The following SORBS2 variants were observed in gnomAD, a reference collection of about 807,000 sequenced individuals.
SORBS2 encodes the protein sorbin and SH3 domain-containing protein 2.
SORBS2 carries 46 observed loss-of-function variants against 97.7 expected under a neutral mutation model. The ratio of observed to expected loss-of-function variants is 0.47; its 90% CI spans 0.37 to 0.60. The LOEUF is 0.60. Among genes scored for constraint, SORBS2 ranks in the 20% least tolerant of loss-of-function variants. The pLI is 0.00. For synonymous variants in SORBS2, 476 were observed against 473.4 expected, an observed-to-expected ratio of 1.01 and a Z score of -0.07; for missense variants, 1,316 against 1,282.3, an observed-to-expected ratio of 1.03 and a Z score of -0.40.
chr4:185,804,393 A>G (rs1192450394), intron 1 of SORBS2, among the ~76,000 whole-genome samples: 1 of 152,222 alleles, frequency 6.6e-6, no homozygotes, highest in Non-Finnish European at 1.5e-5. Context: ...TCTCTCGTGG[A>G]GGTCACTTTC....
intron 1 of SORBS2, among the ~76,000 whole-genome samples, chr4:185,844,528 G>A (rs1298540528): frequency 2.6e-5 from 4 of 152,254 alleles, no homozygotes; most frequent in South Asian, 2.1e-4. Context: ...GATGTGAAAC[G>A]GTACAGCTAC....
chr4:185,939,979 T>C (rs2099271047), intron 1 of SORBS2, among the ~76,000 whole-genome samples: 1 of 152,196 alleles, frequency 6.6e-6, no homozygotes, highest in South Asian at 2.1e-4. Flanking sequence ...CTTGGTAGCA[T>C]TTGACCCAGA....
At chr4:185,635,222 T>C (rs1018627647) in intron 4 of SORBS2, 133 bp downstream of exon 16, 24 of 659,268 alleles carry the variant, frequency 3.6e-5, no homozygotes, top group Admixed American at 1.1e-4. Flanking sequence ...GGATGCAACA[T>C]AATGATGCAA....
rs188570015 is a variant in SORBS2, at chr4:185,640,374, C to T, written c.396+6294G>A. ...CGACTACAATGGTGTTCTGGTATTG[C>T]GACTGTTTGTTTTTTCTTTCTTTTA... On this transcript the variant is annotated intron_variant, in intron 4 of 14. Transcript: ENST00000418609. 7.2e-5 allele frequency among the ~76,000 whole-genome samples: 11 copies of T among 152,174 alleles called. 1 individual carries two copies. The highest frequency in any genetic ancestry group is 3.3e-4 in the Admixed American group (5 of 15,274).
At chr4:185,735,296 A>G (rs1216346308) in intron 2 of SORBS2, among the ~76,000 whole-genome samples, 1 of 151,984 alleles carries the variant, frequency 6.6e-6, no homozygotes, top group African/African-American at 2.4e-5. Context: ...TTCTGCAGAT[A>G]CGTCAGTGCT....
At chr4:185,748,320 G>A (rs189041871) in intron 2 of SORBS2, among the ~76,000 whole-genome samples, 60 of 152,310 alleles carry the variant, frequency 3.9e-4, no homozygotes, top group African/African-American at 1.2e-3. Context: ...CAGGAGCCCC[G>A]CGTATTCTTC....
intron 4 of SORBS2, 86 bp downstream of exon 14, chr4:185,638,791 G>A: frequency 3.1e-6 from 4 of 1,286,092 alleles, no homozygotes; most frequent in Non-Finnish European, 4.1e-6. Context: ...ACCCGGGGGA[G>A]TGGGAGTCGC....
At chr4:185,929,819 C>G (rs888098230) in intron 1 of SORBS2, among the ~76,000 whole-genome samples, 2 of 152,148 alleles carry the variant, frequency 1.3e-5, no homozygotes, top group African/African-American at 4.8e-5. Context: ...CAGGCATGAG[C>G]CACTGTGCCT....
chr4:185,770,345 A>T (rs890482910), intron 2 of SORBS2, among the ~76,000 whole-genome samples: 1 of 152,278 alleles, frequency 6.6e-6, no homozygotes, highest in Admixed American at 6.5e-5. Flanking sequence ...TAGTCCTTCA[A>T]TTAGCCCATC....
chr4:185,874,647 C>T (rs1177373083), intron 1 of SORBS2, among the ~76,000 whole-genome samples: 1 of 152,114 alleles, frequency 6.6e-6, no homozygotes, highest in East Asian at 1.9e-4. Context: ...TCTACTGATA[C>T]TTTTAGATAG....
At chr4:185,841,669 C>T (rs2153677749) in intron 1 of SORBS2, among the ~76,000 whole-genome samples, 1 of 152,326 alleles carries the variant, frequency 6.6e-6, no homozygotes, top group Admixed American at 6.5e-5. Context: ...TGCACAATCT[C>T]CTGAGAATCT....
chr4:185,647,486 C>T (rs1335183860), intron 3 of SORBS2, among the ~76,000 whole-genome samples: 1 of 148,238 alleles, frequency 6.7e-6, no homozygotes, highest in Admixed American at 6.8e-5. Context: ...GATCACAGCT[C>T]GCTGCCATCT....
intron 1 of SORBS2, among the ~76,000 whole-genome samples, chr4:185,923,175 C>T (rs2099261779): frequency 6.6e-6 from 1 of 152,164 alleles, no homozygotes; most frequent in African/African-American, 2.4e-5. Flanking sequence ...AGTGTCTTGT[C>T]CCATCTTCTT....
At chr4:185,716,118 A>G (rs904739760) in intron 2 of SORBS2, among the ~76,000 whole-genome samples, 1 of 152,232 alleles carries the variant, frequency 6.6e-6, no homozygotes, top group Non-Finnish European at 1.5e-5. Context: ...GATCCTGATT[A>G]TGGGCTACTT....
intron 2 of SORBS2, among the ~76,000 whole-genome samples, chr4:185,680,252 T>C (rs1308736477): frequency 1.3e-5 from 2 of 152,238 alleles, no homozygotes; most frequent in African/African-American, 2.4e-5. Flanking sequence ...CAAGAGATCC[T>C]ACAGCCTCAG....
At chr4:185,667,967 T>C (rs1182047402) in intron 4 of SORBS2, among the ~76,000 whole-genome samples, 1 of 152,106 alleles carries the variant, frequency 6.6e-6, no homozygotes, top group East Asian at 1.9e-4. Flanking sequence ...ATAGCGTCAA[T>C]GAAATTTCCC....
At chr4:185,952,556 G>A (rs144181347) in intron 1 of SORBS2, among the ~76,000 whole-genome samples, 13 of 152,254 alleles carry the variant, frequency 8.5e-5, no homozygotes, top group East Asian at 5.8e-4. Flanking sequence ...GATTCATTTC[G>A]TCTTTGAGAA....
chr4:185,825,361 C>T (rs1410387287), intron 1 of SORBS2, among the ~76,000 whole-genome samples: 1 of 152,106 alleles, frequency 6.6e-6, no homozygotes, highest in African/African-American at 2.4e-5. Flanking sequence ...ACCTGCCAAA[C>T]AGGAATTATT....
intron 1 of SORBS2, among the ~76,000 whole-genome samples, chr4:185,813,561 C>T (rs1223051332): frequency 6.6e-6 from 1 of 152,222 alleles, no homozygotes; most frequent in African/African-American, 2.4e-5. Flanking sequence ...CGTGCCCCTG[C>T]CTTCGCCCTC....
Sources: gnomAD v4.1 joint callset for allele counts (sites outside exome capture counted in the v4.1 genomes callset) on GRCh38, gnomAD v4.1.1 for gene constraint, MANE v1.5 for transcripts, NCBI Gene and HGNC (gene_info 2026-07-23, HGNC 2026-07-21) for gene names.